Variants in SNTG1 observed in about 807,000 individuals in gnomAD.
SNTG1 encodes the protein syntrophin gamma 1.
In SNTG1, 39 loss-of-function variants were observed where a neutral mutation model predicts 74.7. The ratio of observed to expected loss-of-function variants is 0.52; its 90% CI spans 0.40 to 0.68. The LOEUF (loss-of-function observed/expected upper bound fraction) is 0.68. Ranked by LOEUF, SNTG1 falls within the 30% of genes least tolerant of loss-of-function variation. The pLI, the probability that SNTG1 is intolerant of heterozygous loss-of-function variation, is 0.00. For missense variants in SNTG1, 685 were observed against 609.5 expected (o/e 1.12, Z -1.30); for synonymous variants, 254 against 217.1 (o/e 1.17, Z -1.49).
At chr8:50,292,768 A>C (rs918577346) in intron 2 of SNTG1, among the ~76,000 whole-genome samples, 1 of 152,224 alleles carries the variant, frequency 6.6e-6, no homozygotes, top group Non-Finnish European at 1.5e-5. Flanking sequence ...ATTTGGCAAC[A>C]GAACTGGGAT....
intron 8 of SNTG1, among the ~76,000 whole-genome samples, chr8:50,501,425 GTTTTTTTTTTTTTTTTTT>G (rs59123896): frequency 3.3e-4 from 19 of 57,096 alleles, no homozygotes; most frequent in Admixed American, 1.3e-3. Flanking sequence ...GAGCCTGTGC[GTTTTTTTTTTTTTTTTTT>G]TTTTTTTTTT....
chr8:50,764,099 G>C (rs1585735940), intron 18 of SNTG1, among the ~76,000 whole-genome samples: 1 of 151,504 alleles, frequency 6.6e-6, no homozygotes, highest in Non-Finnish European at 1.5e-5. Context: ...CCAATAACAG[G>C]GTGACAAGAA....
At chr8:50,241,697 A>C (rs1277932765) in intron 2 of SNTG1, among the ~76,000 whole-genome samples, 1 of 152,216 alleles carries the variant, frequency 6.6e-6, no homozygotes, top group African/African-American at 2.4e-5. Flanking sequence ...GAAGTTGCAA[A>C]AACAGTTTTC....
At chr8:50,095,340 T>C (rs993654963) in intron 1 of SNTG1, among the ~76,000 whole-genome samples, 1 of 152,132 alleles carries the variant, frequency 6.6e-6, no homozygotes, top group Non-Finnish European at 1.5e-5. Flanking sequence ...AGAAATCTAG[T>C]AGTTTAAGGA....
At chr8:50,136,936 A>C (rs2081493864) in intron 1 of SNTG1, among the ~76,000 whole-genome samples, 1 of 151,990 alleles carries the variant, frequency 6.6e-6, no homozygotes, top group Admixed American at 6.6e-5. Context: ...CTCTCTGTTG[A>C]AAAACAGTAG....
intron 1 of SNTG1, among the ~76,000 whole-genome samples, chr8:49,969,429 C>G (rs941589860): frequency 2.1e-4 from 25 of 118,710 alleles, no homozygotes; most frequent in Non-Finnish European, 4.0e-4. Context: ...TGGACTCTCT[C>G]TCTGTCGCCC....
intron 12 of SNTG1, among the ~76,000 whole-genome samples, chr8:50,562,067 T>C (rs895379304): frequency 6.6e-6 from 1 of 152,234 alleles, no homozygotes; most frequent in Non-Finnish European, 1.5e-5. Flanking sequence ...GATTTATAAG[T>C]TACAATGTGT....
At chr8:50,195,803 C>T (rs2083747362) in intron 2 of SNTG1, among the ~76,000 whole-genome samples, 1 of 152,114 alleles carries the variant, frequency 6.6e-6, no homozygotes, top group Non-Finnish European at 1.5e-5. Context: ...CCTACAGGAG[C>T]AGTTCACTTC....
chr8:50,090,913 G>T (rs1159286046), intron 1 of SNTG1, among the ~76,000 whole-genome samples: 4 of 152,082 alleles, frequency 2.6e-5, no homozygotes, highest in Admixed American at 2.6e-4. Flanking sequence ...TGGGGCCCTT[G>T]TTAAAATTAT....
intron 15 of SNTG1, among the ~76,000 whole-genome samples, chr8:50,698,121 T>C (rs2095411406): frequency 1.3e-5 from 2 of 152,164 alleles, no homozygotes; most frequent in African/African-American, 2.4e-5. Context: ...GGATTTTAAA[T>C]CCAATGTTGT....
intron 1 of SNTG1, among the ~76,000 whole-genome samples, chr8:50,160,114 A>G (rs1471709385): frequency 4.6e-5 from 7 of 152,220 alleles, no homozygotes; most frequent in Admixed American, 3.3e-4. Flanking sequence ...AAAGGAGGAC[A>G]TGCTCTTGGG....
At chr8:50,654,179 C>T (rs1286979568) in intron 13 of SNTG1, among the ~76,000 whole-genome samples, 1 of 152,080 alleles carries the variant, frequency 6.6e-6, no homozygotes, top group Non-Finnish European at 1.5e-5. Flanking sequence ...TGTTCATTCC[C>T]TTTCTTAGCT....
chr8:50,364,435 G>A (rs78027450), intron 2 of SNTG1, among the ~76,000 whole-genome samples: 7,460 of 152,228 alleles, frequency 0.049, 248 homozygotes, highest in Non-Finnish European at 0.071. Flanking sequence ...CACACTTACT[G>A]TCATGGGCTC....
intron 2 of SNTG1, among the ~76,000 whole-genome samples, chr8:50,272,575 T>C (rs561189054): frequency 6.6e-6 from 1 of 152,282 alleles, no homozygotes; most frequent in Admixed American, 6.5e-5. Flanking sequence ...TATAGATGGT[T>C]CTTGTTCTCT....
At chr8:50,203,341 A>C (rs932562243) in intron 2 of SNTG1, among the ~76,000 whole-genome samples, 3 of 152,096 alleles carry the variant, frequency 2.0e-5, no homozygotes, top group African/African-American at 7.2e-5. Context: ...CCCATCCTCC[A>C]GGTAAGACAA....
chr8:50,344,066 C>G (rs1481237817), intron 2 of SNTG1, among the ~76,000 whole-genome samples: 1 of 152,122 alleles, frequency 6.6e-6, no homozygotes, highest in Non-Finnish European at 1.5e-5. Context: ...AAATTGATAC[C>G]AAGAACACTG....
At chr8:50,502,686 G>A (rs2093971511) in intron 8 of SNTG1, 92 bp from the exon 9 acceptor site, 3 of 1,006,122 alleles carry the variant, frequency 3.0e-6, no homozygotes, top group African/African-American at 3.3e-5. Context: ...AAAAATGGAA[G>A]GTGGAAGAAA....
At chr8:49,987,569 A>G (rs1813283420) in intron 1 of SNTG1, among the ~76,000 whole-genome samples, 1 of 152,108 alleles carries the variant, frequency 6.6e-6, no homozygotes, top group South Asian at 2.1e-4. Flanking sequence ...TTATCCTGAA[A>G]TTAGTGGACG....
chr8:50,099,422 A>G (rs1469851187), intron 1 of SNTG1, among the ~76,000 whole-genome samples: 2 of 152,132 alleles, frequency 1.3e-5, no homozygotes, highest in Non-Finnish European at 2.9e-5. Flanking sequence ...TATTCCCATT[A>G]TCTTAGCAAT....
Sources: allele counts gnomAD v4.1 joint callset (sites outside exome capture counted in the v4.1 genomes callset), GRCh38; gene constraint gnomAD v4.1.1; transcripts MANE v1.5; gene names NCBI Gene and HGNC (gene_info 2026-07-23, HGNC 2026-07-21).